Variants in MSI2 observed in about 807,000 individuals in gnomAD.
MSI2 encodes musashi RNA binding protein 2, also known as RNA-binding protein Musashi homolog 2.
A neutral mutation model predicts 45.6 loss-of-function variants in MSI2; 17 were observed. The observed-to-expected ratio is 0.37, with a 90% CI of 0.26 to 0.56. The LOEUF (loss-of-function observed/expected upper bound fraction) is 0.56, where lower values mean the gene tolerates loss of function less well. Ranked by LOEUF, MSI2 falls within the 20% of genes least tolerant of loss-of-function variation. The probability of loss-of-function intolerance (pLI) is 0.77; values close to 1 mark genes in which losing one functional copy is unlikely to be tolerated. For synonymous variants in MSI2, 156 were observed against 158.2 expected, an observed-to-expected ratio of 0.99 and a Z score of 0.11; for missense variants, 293 against 444.2, an observed-to-expected ratio of 0.66 and a Z score of 3.06.
At chr17:57,693,327 T>A in the MSI2 span, among the ~76,000 whole-genome samples, 1 of 152,084 alleles carries the variant, frequency 6.6e-6, no homozygotes, top group Non-Finnish European at 1.5e-5. Context: ...GGATTGCAAG[T>A]GTGTGCACCA....
At chr17:57,380,186 C>G (rs1260174220) in intron 5 of MSI2, among the ~76,000 whole-genome samples, 9 of 152,124 alleles carry the variant, frequency 5.9e-5, no homozygotes, top group Admixed American at 5.9e-4. Flanking sequence ...TGAAACGCAC[C>G]CATGTCTTTG....
intron 6 of MSI2, among the ~76,000 whole-genome samples, chr17:57,526,444 C>T (rs958316921): frequency 2.2e-5 from 3 of 135,036 alleles, no homozygotes; most frequent in South Asian, 2.5e-4. Context: ...AGACAGAGAC[C>T]GAGAGAGTTA....
intron 5 of MSI2, among the ~76,000 whole-genome samples, chr17:57,341,023 C>G (rs1915098630): frequency 6.6e-6 from 1 of 152,154 alleles, no homozygotes; most frequent in East Asian, 1.9e-4. Flanking sequence ...AAGTGCAGGT[C>G]CATGTAGACA....
downstream of MSI2, among the ~76,000 whole-genome samples, chr17:57,688,998 A>G (rs1259198535): frequency 6.6e-6 from 1 of 152,228 alleles, no homozygotes; most frequent in Non-Finnish European, 1.5e-5. Context: ...GAAATGGGGA[A>G]GACATTAAGT....
intron 5 of MSI2, among the ~76,000 whole-genome samples, chr17:57,297,186 TTG>T (rs1408928168): frequency 3.4e-4 from 47 of 138,864 alleles, no homozygotes; most frequent in Non-Finnish European, 4.4e-4. Flanking sequence ...CAGTTTTTTT[TTG>T]TTTTTTTTTT....
intron 7 of MSI2, among the ~76,000 whole-genome samples, chr17:57,572,684 C>T (rs1598411360): frequency 1.3e-5 from 2 of 152,186 alleles, no homozygotes; most frequent in East Asian, 3.9e-4. Context: ...GTAAAGAGCC[C>T]TCCTTTCCCC....
chr17:57,448,485 A>G (rs976074656), intron 6 of MSI2: 4 of 152,216 alleles, frequency 2.6e-5, no homozygotes, highest in Non-Finnish European at 5.9e-5. Flanking sequence ...TTCTCTTCCC[A>G]TCGCCCTCAC....
chr17:57,310,486 A>G (rs1567749795), intron 5 of MSI2, among the ~76,000 whole-genome samples: 1 of 152,000 alleles, frequency 6.6e-6, no homozygotes, highest in Non-Finnish European at 1.5e-5. Flanking sequence ...GGCACACAAC[A>G]CCGCTCCCAG....
intron 11 of MSI2, among the ~76,000 whole-genome samples, chr17:57,671,860 G>A (rs1322905901): frequency 2.0e-5 from 3 of 152,170 alleles, no homozygotes; most frequent in Non-Finnish European, 4.4e-5. Context: ...TCTCAAAGAT[G>A]CATGGGTTTC....
chr17:57,310,796 G>C (rs1310341356), intron 5 of MSI2, among the ~76,000 whole-genome samples: 1 of 152,166 alleles, frequency 6.6e-6, no homozygotes, highest in Non-Finnish European at 1.5e-5. Context: ...GCAGATAGAG[G>C]TTGGTCCTAG....
intron 7 of MSI2, among the ~76,000 whole-genome samples, chr17:57,565,101 A>C (rs1044793038): frequency 2.6e-5 from 4 of 152,216 alleles, no homozygotes; most frequent in African/African-American, 9.7e-5. Flanking sequence ...CTGAAGACAC[A>C]GAATATGCAT....
At chr17:57,564,425 T>G (rs892239068) in intron 7 of MSI2, among the ~76,000 whole-genome samples, 2 of 152,184 alleles carry the variant, frequency 1.3e-5, no homozygotes, top group Non-Finnish European at 2.9e-5. Flanking sequence ...TGGGGGAAGC[T>G]CTGATGTTTC....
At chr17:57,643,981 G>A (rs1421652187) in intron 10 of MSI2, among the ~76,000 whole-genome samples, 1 of 152,116 alleles carries the variant, frequency 6.6e-6, no homozygotes, top group Non-Finnish European at 1.5e-5. Context: ...CAGATGACAG[G>A]TTCCACGTGC....
At chr17:57,573,980 G>GA in intron 7 of MSI2, among the ~76,000 whole-genome samples, 1 of 152,328 alleles carries the variant, frequency 6.6e-6, no homozygotes, top group Middle Eastern at 3.4e-3. Context: ...CGATAATGAT[G>GA]ACAACCTAAT....
At chr17:57,693,594 A>G in the MSI2 span, among the ~76,000 whole-genome samples, 1 of 152,200 alleles carries the variant, frequency 6.6e-6, no homozygotes, top group Non-Finnish European at 1.5e-5. Context: ...CTAAAACTCT[A>G]CATCTATTCA....
At chr17:57,460,056 G>T (rs552431233) in intron 6 of MSI2, among the ~76,000 whole-genome samples, 12 of 151,690 alleles carry the variant, frequency 7.9e-5, no homozygotes, top group Admixed American at 3.3e-4. Context: ...CTGAACCCGG[G>T]GGGTGGAGGT....
chr17:57,435,153 A>G (rs1238753282), intron 6 of MSI2, among the ~76,000 whole-genome samples: 1 of 152,028 alleles, frequency 6.6e-6, no homozygotes, highest in East Asian at 1.9e-4. Flanking sequence ...ACTTGGGGCT[A>G]CTTTTGATGG....
At chr17:57,687,245 G>A (rs1031776002), downstream of MSI2, among the ~76,000 whole-genome samples, 1 of 151,558 alleles carries the variant, frequency 6.6e-6, no homozygotes, top group African/African-American at 2.4e-5. Flanking sequence ...TGGGGGAGGT[G>A]AAGGAATATA....
intron 5 of MSI2, chr17:57,294,872 T>G (rs1160164335): frequency 1.3e-5 from 2 of 152,426 alleles, no homozygotes; most frequent in Non-Finnish European, 2.9e-5. Context: ...TCCCCTGCTC[T>G]GGGTTGGGTG....
Sources: gnomAD v4.1 joint callset for allele counts (sites outside exome capture counted in the v4.1 genomes callset) on GRCh38, gnomAD v4.1.1 for gene constraint, MANE v1.5 for transcripts, NCBI Gene and HGNC (gene_info 2026-07-23, HGNC 2026-07-21) for gene names.